Variants in TRAPPC2 observed in about 807,000 individuals in gnomAD.
TRAPPC2 encodes sedlin.
A neutral mutation model predicts 10.0 loss-of-function variants in TRAPPC2; 4 were observed. The ratio of observed to expected loss-of-function variants is 0.40; its 90% confidence interval spans 0.20 to 0.92. The LOEUF is 0.92. TRAPPC2 is among the 40% of genes least tolerant of loss of function. The pLI is 0.35. For synonymous variants in TRAPPC2, 36 were observed against 37.3 expected (o/e 0.97, Z 0.12); for missense variants, 52 against 108.7 (o/e 0.48, Z 2.32).
rs1258162555 is a variant in TRAPPC2 at position 13,734,587 on chromosome X, G to A, written c.-224C>T. 2.0e-5 allele frequency: 13 copies of A among 651,230 alleles called. No homozygotes were observed. The highest frequency in any genetic ancestry group is 6.4e-5 in the South Asian group (1 of 15,692). The allele number at this position is 651,230 out of a possible 1,213,427, so 53.7% of individuals were successfully genotyped here. On this transcript the variant is annotated 5_prime_UTR_variant, in exon 1 of 6. Transcript: ENST00000380579. Reference sequence around the variant, plus strand: ...TTTCCGCGGAAGAGACCCGCGCCCCGAACCTGTAGCCAGAACGCCGAAGCA... The same window carrying A: ...TTTCCGCGGAAGAGACCCGCGCCCCAAACCTGTAGCCAGAACGCCGAAGCA...
At chrX:13,714,644 A>T in intron 5 of TRAPPC2, 139 bp from the exon 6 acceptor site, 1 of 383,461 alleles carries the variant, frequency 2.6e-6, no homozygotes, top group East Asian at 4.2e-5. Flanking sequence ...TTTATTGAAA[A>T]TGCTGCATTG....
chrX:13,715,784 A>G (rs2046273785), intron 5 of TRAPPC2: 5 of 905,550 alleles, frequency 5.5e-6, no homozygotes, highest in Middle Eastern at 4.0e-4. Flanking sequence ...TACCTTCACA[A>G]TCATCTAAAG....
At chrX:13,716,240 T>C (rs2046284034) in intron 4 of TRAPPC2, 151 bp from the exon 5 acceptor site, 2 of 676,112 alleles carry the variant, frequency 3.0e-6, no homozygotes, top group Non-Finnish European at 4.3e-6. Flanking sequence ...CTTAGTTTTA[T>C]CATAAAGAGA....
intron 2 of TRAPPC2, among the ~76,000 whole-genome samples, chrX:13,733,334 T>A (rs2046721750): frequency 8.9e-6 from 1 of 111,834 alleles, no homozygotes; most frequent in Non-Finnish European, 1.9e-5. Context: ...TTGTTCCACC[T>A]CTGCTAGCGT....
intron 2 of TRAPPC2, among the ~76,000 whole-genome samples, chrX:13,727,177 C>CT: frequency 8.9e-6 from 1 of 111,844 alleles, no homozygotes; most frequent in Non-Finnish European, 1.9e-5. Context: ...TAACACCCCA[C>CT]TGTCAATATC....
chrX:13,716,123 T>G, intron 4 of TRAPPC2, 34 bp from the exon 5 acceptor site: 1 of 1,156,285 alleles, frequency 8.6e-7, no homozygotes, highest in Non-Finnish European at 1.2e-6. Context: ...TTCTTAGAAA[T>G]GAAAAACAAA....
At chrX:13,727,299 T>C (rs1473870272) in intron 2 of TRAPPC2, among the ~76,000 whole-genome samples, 2 of 112,313 alleles carry the variant, frequency 1.8e-5, no homozygotes, top group African/African-American at 6.5e-5. Flanking sequence ...AGAATATACA[T>C]TCTTCTCAGC....
intron 2 of TRAPPC2, among the ~76,000 whole-genome samples, chrX:13,724,686 G>T (rs989004558): frequency 8.9e-6 from 1 of 112,499 alleles, no homozygotes; most frequent in East Asian, 2.8e-4. Flanking sequence ...CGTGATCAAC[G>T]CAGAAGATGG....
chrX:13,733,359 A>AT (rs1213035837), intron 2 of TRAPPC2, among the ~76,000 whole-genome samples: 2 of 110,708 alleles, frequency 1.8e-5, no homozygotes, highest in African/African-American at 6.6e-5. Context: ...TCGTTTACTT[A>AT]TTTTTTCTCC....
Position 13,714,337 on chromosome X carries a change from A to G in TRAPPC2, c.*70T>C. On this transcript the variant is annotated 3_prime_UTR_variant, in exon 6 of 6. Coordinates refer to ENST00000380579, the MANE Select transcript of TRAPPC2 (RefSeq NM_001011658.4). ...AGTTTTCCAGGCTATTTAATCAAGT[A>G]ACTTACAATGTACACATTCCTGAGT... 1 of 659,794 alleles carries G rather than the reference A, an allele frequency of 1.5e-6. No homozygotes were observed. Among genetic ancestry groups the G allele is most frequent in the South Asian group, 3.8e-5 (1 of 26,546 alleles). The allele number at this position is 659,794 out of a possible 1,213,427, so 54.4% of individuals were successfully genotyped here.
intron 3 of TRAPPC2, 59 bp from the exon 4 acceptor site, chrX:13,716,737 ACATTT>A: frequency 1.7e-6 from 2 of 1,148,213 alleles, no homozygotes; most frequent in Non-Finnish European, 2.4e-6. Context: ...GAGAATGCTG[ACATTT>A]CATTCTGTAA....
At chrX:13,729,968 C>CT (rs760907549) in intron 2 of TRAPPC2, among the ~76,000 whole-genome samples, 1 of 111,759 alleles carries the variant, frequency 8.9e-6, no homozygotes, top group African/African-American at 3.3e-5. Context: ...CATAAAAACT[C>CT]TAGAGGAAAA....
At position 13,734,578 on chromosome X, in the gene TRAPPC2, C is replaced by A; in HGVS notation, c.-215G>T. On this transcript the variant is annotated 5_prime_UTR_variant, in exon 1 of 6. Coordinates refer to ENST00000380579, the MANE Select transcript of TRAPPC2 (RefSeq NM_001011658.4). ...CAATGTCAGTTTCCGCGGAAGAGAC[C>A]CGCGCCCCGAACCTGTAGCCAGAAC... 1 of 575,852 alleles carries A rather than the reference C, an allele frequency of 1.7e-6. No individual in the cohort carries two copies. The highest frequency in any genetic ancestry group is 2.2e-6 in the Non-Finnish European group (1 of 450,013). The allele number at this position is 575,852 out of a possible 1,213,427, so 47.5% of individuals were successfully genotyped here. A position where few individuals can be genotyped will look rare whatever the true frequency, so the allele number is the denominator to read the frequency against.
At chrX:13,717,496 C>T (rs1038564312) in intron 3 of TRAPPC2, among the ~76,000 whole-genome samples, 1 of 111,589 alleles carries the variant, frequency 9.0e-6, no homozygotes, top group Admixed American at 9.5e-5. Context: ...AATCCTAGCA[C>T]TTTGGGAGGC....
At position 13,720,505 on chromosome X, in the gene TRAPPC2, GGACA is replaced by G. The variant is rs1477214633; in HGVS notation, c.-19-527_-19-524del. ...CTACCTCATGTCACTTACCTAGAAA[GGACA>G]GACACTGTATCACTGATTCGCAGAC... On this transcript the variant is annotated intron_variant, in intron 2 of 5. Coordinates refer to ENST00000380579, the MANE Select transcript of TRAPPC2 (RefSeq NM_001011658.4). The G allele has an allele frequency of 2.7e-5, 3 of 112,574 alleles. No individual in the cohort carries two copies. The East Asian group carries it at 8.3e-4, about 31-fold the overall frequency. 9.3% of individuals were successfully genotyped at this position (112,574 alleles called of 1,213,427 possible).
rs1256641671 is a variant in TRAPPC2 at position 13,712,285 on chromosome X, A to C, written c.*2122T>G. 1.8e-5 allele frequency: 2 copies of C among 111,556 alleles called. No individual in the cohort carries two copies. The highest frequency in any genetic ancestry group is 6.6e-5 in the African/African-American group (2 of 30,191). The allele number at this position is 111,556 out of a possible 1,213,427, so 9.2% of individuals were successfully genotyped here. A position where few individuals can be genotyped will look rare whatever the true frequency, so the allele number is the denominator to read the frequency against. ...TATTTAAGAAATCAAATAGGGTAAA[A>C]ATTATGCAATTTCACACAAGGATAC... On this transcript the variant is annotated 3_prime_UTR_variant, in exon 6 of 6. Transcript: ENST00000380579.
intron 2 of TRAPPC2, 22 bp from the exon 3 acceptor site, chrX:13,720,004 C>T (rs1308697190): frequency 2.0e-6 from 2 of 989,046 alleles, no homozygotes; most frequent in African/African-American, 2.0e-5. Flanking sequence ...AAAAATAGTA[C>T]ATATTTTTAG....
At position 13,713,455 on chromosome X, in the gene TRAPPC2, A is replaced by AAAAAAAC. The variant is rs1349196579; in HGVS notation, c.*951_*952insGTTTTTT. The AAAAAAAC allele has an allele frequency of 1.1e-4, 12 of 106,874 alleles. No individual in the cohort carries two copies. The East Asian group carries it at 3.2e-3, about 29-fold the overall frequency. The allele number at this position is 106,874 out of a possible 1,213,427, so 8.8% of individuals were successfully genotyped here. A position where few individuals can be genotyped will look rare whatever the true frequency, so the allele number is the denominator to read the frequency against. ...ACAGGAGCAAGACTCCATCTCAAAA[A>AAAAAAAC]AACAAAAAACAAAAAACAAAAACAA... On this transcript the variant is annotated 3_prime_UTR_variant, in exon 6 of 6. Coordinates refer to ENST00000380579, the MANE Select transcript of TRAPPC2 (RefSeq NM_001011658.4).
At chrX:13,721,019 C>T (rs1187537429) in intron 2 of TRAPPC2, 2 of 75,500 alleles carry the variant, frequency 2.6e-5, no homozygotes, top group African/African-American at 5.3e-5. Flanking sequence ...AAAATGAGAC[C>T]CTGTCTCAAA....
Sources: gnomAD v4.1 joint callset for allele counts (sites outside exome capture counted in the v4.1 genomes callset) on GRCh38, gnomAD v4.1.1 for gene constraint, MANE v1.5 for transcripts, NCBI Gene and HGNC (gene_info 2026-07-23, HGNC 2026-07-21) for gene names.